Variants in WDSUB1 observed in about 807,000 individuals in gnomAD.
The protein encoded by WDSUB1 is WD repeat, SAM and U-box domain-containing protein 1.
A neutral mutation model predicts 53.9 loss-of-function variants in WDSUB1; 49 were observed. The ratio of observed to expected loss-of-function variants is 0.91; its 90% CI spans 0.72 to 1.15. The LOEUF is 1.15. Among genes scored for constraint, WDSUB1 ranks in the 50% most tolerant of loss-of-function variants. WDSUB1 has a pLI of 0.00. For missense variants in WDSUB1, 514 were observed against 562.0 expected, an observed-to-expected ratio of 0.91 and a Z score of 0.86; for synonymous variants, 194 against 200.6, an observed-to-expected ratio of 0.97 and a Z score of 0.28.
intron 4 of WDSUB1, among the ~76,000 whole-genome samples, chr2:159,274,614 G>A (rs1373340956): frequency 6.6e-6 from 1 of 152,128 alleles, no homozygotes; most frequent in Non-Finnish European, 1.5e-5. Flanking sequence ...AACTGCCTGG[G>A]AAGCTCTAGG....
chr2:159,261,869 TA>T lies in WDSUB1; in HGVS notation c.771-2027del, dbSNP rs1558855788. 4.7e-3 allele frequency among the ~76,000 whole-genome samples: 100 copies of T among 21,464 alleles called. 8 individuals carry two copies. Among genetic ancestry groups the T allele is most frequent in the South Asian group, 9.6e-3 (6 of 622 alleles). 14.1% of individuals were successfully genotyped at this position (21,464 alleles called of 152,430 possible). ...ACTCATATATATATATATATATATATATATATATATATATATATATATATAT... is the reference window on the plus strand; with the variant it reads ...ACTCATATATATATATATATATATATTATATATATATATATATATATATAT... On this transcript the variant is annotated intron_variant, in intron 5 of 10. Transcript: ENST00000359774.
chr2:159,276,443 G>A (rs2061543812), intron 3 of WDSUB1, among the ~76,000 whole-genome samples: 1 of 152,176 alleles, frequency 6.6e-6, no homozygotes, highest in East Asian at 1.9e-4. Flanking sequence ...ATTTAATCAA[G>A]CCAAAGGCTG....
chr2:159,274,257 A>G (rs2061496951), intron 4 of WDSUB1, among the ~76,000 whole-genome samples: 4 of 152,220 alleles, frequency 2.6e-5, no homozygotes, highest in Admixed American at 2.0e-4. Flanking sequence ...TAATCCCAGC[A>G]TTTTGAGAGG....
intron 9 of WDSUB1, among the ~76,000 whole-genome samples, chr2:159,251,801 A>G (rs2151077343): frequency 6.6e-6 from 1 of 152,338 alleles, no homozygotes; most frequent in South Asian, 2.1e-4. Flanking sequence ...AAACTAACGG[A>G]TATAAAAACT....
intron 5 of WDSUB1, among the ~76,000 whole-genome samples, chr2:159,266,278 TCCC>T (rs1346172879): frequency 6.6e-6 from 1 of 151,622 alleles, no homozygotes; most frequent in Non-Finnish European, 1.5e-5. Flanking sequence ...AAGCACCGCC[TCCC>T]GGGTTCACGC....
At chr2:159,248,668 C>CGA (rs2060878187) in intron 9 of WDSUB1, among the ~76,000 whole-genome samples, 156 bp from the exon 10 acceptor site, 2 of 152,112 alleles carry the variant, frequency 1.3e-5, no homozygotes, top group Non-Finnish European at 1.5e-5. Context: ...AGTGGCAAAA[C>CGA]GATCACCACT....
intron 1 of WDSUB1, among the ~76,000 whole-genome samples, chr2:159,285,640 C>A (rs911973534): frequency 6.6e-6 from 1 of 152,068 alleles, no homozygotes; most frequent in African/African-American, 2.4e-5. Context: ...CCGGAGGTGA[C>A]GCCGGCGGTG....
chr2:159,247,930 T>TATATATATATATAAATATATATATATAA, intron 10 of WDSUB1, among the ~76,000 whole-genome samples: 1 of 63,276 alleles, frequency 1.6e-5, no homozygotes, highest in Middle Eastern at 7.8e-3. Flanking sequence ...TATATATAAA[T>TATATATATATATAAATATATATATATAA]ATATATATAT....
intron 2 of WDSUB1, among the ~76,000 whole-genome samples, chr2:159,281,899 C>T (rs2061672862): frequency 6.6e-6 from 1 of 152,130 alleles, no homozygotes; most frequent in African/African-American, 2.4e-5. Flanking sequence ...ATCGCTTGAA[C>T]CTGGGAGGTG....
intron 5 of WDSUB1, among the ~76,000 whole-genome samples, chr2:159,260,552 C>T (rs1265453075): frequency 6.6e-6 from 1 of 152,178 alleles, no homozygotes; most frequent in Non-Finnish European, 1.5e-5. Flanking sequence ...AAATGCTAAT[C>T]AATGTATATA....
chr2:159,274,284 A>G (rs1352412071), intron 4 of WDSUB1, among the ~76,000 whole-genome samples: 1 of 152,188 alleles, frequency 6.6e-6, no homozygotes, highest in Non-Finnish European at 1.5e-5. Flanking sequence ...TGGGAGGATC[A>G]TTTGAGGCCC....
chr2:159,271,047 C>A (rs898792621), intron 5 of WDSUB1, among the ~76,000 whole-genome samples: 1 of 152,136 alleles, frequency 6.6e-6, no homozygotes, highest in African/African-American at 2.4e-5. Flanking sequence ...CTCATCAGAA[C>A]GGCTAAAATT....
At chr2:159,241,380 G>GGC (rs1338629958) in intron 10 of WDSUB1, among the ~76,000 whole-genome samples, 1 of 152,118 alleles carries the variant, frequency 6.6e-6, no homozygotes, top group Non-Finnish European at 1.5e-5. Context: ...TGGCCAACGT[G>GGC]GCAAAACCCT....
At chr2:159,254,428 G>A (rs563309013) in intron 9 of WDSUB1, among the ~76,000 whole-genome samples, 2 of 152,142 alleles carry the variant, frequency 1.3e-5, no homozygotes, top group African/African-American at 4.8e-5. Context: ...AGGCATGGTG[G>A]CACATGCCTG....
chr2:159,237,650 G>A (rs941644966), intron 10 of WDSUB1, among the ~76,000 whole-genome samples: 1 of 152,000 alleles, frequency 6.6e-6, no homozygotes, highest in African/African-American at 2.4e-5. Flanking sequence ...ATATGTATAT[G>A]TGCACACAGT....
intron 3 of WDSUB1, 51 bp downstream of exon 3, chr2:159,279,710 C>A: frequency 6.6e-7 from 1 of 1,520,642 alleles, no homozygotes. Context: ...TCATATACAG[C>A]ACAAATTACA....
intron 2 of WDSUB1, among the ~76,000 whole-genome samples, chr2:159,280,708 A>AAAAAAAAAAAAAAAAAAAAAAAAAAC (rs111752652): frequency 4.5e-5 from 6 of 134,364 alleles, no homozygotes; most frequent in South Asian, 4.7e-4. Flanking sequence ...AAAAAAAAAA[A>AAAAAAAAAAAAAAAAAAAAAAAAAAC]ATTACCCAGA....
At position 159,279,867 on chromosome 2, in the gene WDSUB1, TGAG is replaced by T. The variant is rs767916877; in HGVS notation, c.474_476del (p.Ser159del). 2 of 1,612,596 alleles carry T rather than the reference TGAG, an allele frequency of 1.2e-6. No homozygotes were observed. The highest frequency in any genetic ancestry group is 1.1e-5 in the South Asian group (1 of 90,938). On this transcript the variant is annotated inframe_deletion, in exon 3 of 11. Transcript: ENST00000359774. ...CATCCCACACTGTTAAATCACCACATGAGGAGCCAGTGACAAAGAAGCTTCCAT... is the reference window on the plus strand; with the variant it reads ...CATCCCACACTGTTAAATCACCACATGAGCCAGTGACAAAGAAGCTTCCAT...
intron 10 of WDSUB1, among the ~76,000 whole-genome samples, chr2:159,244,669 T>TGTA (rs2060746846): frequency 5.3e-5 from 8 of 152,182 alleles, no homozygotes; most frequent in African/African-American, 1.9e-4. Context: ...TCACACGTCT[T>TGTA]ATCTCAGCAC....
Sources: gnomAD v4.1 joint callset for allele counts (sites outside exome capture counted in the v4.1 genomes callset) on GRCh38, gnomAD v4.1.1 for gene constraint, MANE v1.5 for transcripts, NCBI Gene and HGNC (gene_info 2026-07-23, HGNC 2026-07-21) for gene names.